ADGRD1: variants seen among roughly 807,000 people sequenced by gnomAD.
The protein encoded by ADGRD1 is G-protein coupled receptor 133.
A neutral mutation model predicts 113.4 loss-of-function variants in ADGRD1; 77 were observed. The observed-to-expected ratio is 0.68, with a 90% confidence interval of 0.57 to 0.82. ADGRD1 has a LOEUF of 0.82. Among genes scored for constraint, ADGRD1 ranks in the 40% least tolerant of loss-of-function variants. The pLI is 0.00. For missense variants in ADGRD1, 1,036 were observed against 1,139.1 expected, an observed-to-expected ratio of 0.91 and a Z score of 1.30; for synonymous variants, 474 against 475.0, an observed-to-expected ratio of 1.00 and a Z score of 0.03.
chr12:131,136,197 C>A (rs1593279093), intron 22 of ADGRD1, 34 bp downstream of exon 22: 1 of 1,609,518 alleles, frequency 6.2e-7, no homozygotes, highest in African/African-American at 1.3e-5. Context: ...GGAGGCAGGG[C>A]CGCCAGCCAT....
intron 8 of ADGRD1, 138 bp downstream of exon 8, chr12:130,992,530 T>C (rs2030880): frequency 0.52 from 386,695 of 737,436 alleles, 108,560 homozygotes; most frequent in East Asian, 0.78. Context: ...AGGCTTCTCA[T>C]GAACAACCAG....
chr12:130,997,572 C>T lies in ADGRD1; in HGVS notation c.967-2811C>T, dbSNP rs527838839. ...GCTCCTCACATCCCAGACGGGGCGG[C>T]GGGGCAAAGGCGCTCCCCACATCTC... On this transcript the variant is annotated intron_variant, in intron 8 of 24. Transcript: ENST00000261654. Among the ~76,000 whole-genome samples the T allele has an allele frequency of 1.3e-4, 20 of 151,634 alleles. No individual in the cohort carries two copies. The East Asian group carries it at 2.0e-3, about 15-fold the overall frequency.
chr12:130,954,782 C>A lies in ADGRD1; in HGVS notation c.103+122C>A. On this transcript the variant is annotated intron_variant, in intron 2 of 24. Coordinates refer to ENST00000261654, the MANE Select transcript of ADGRD1 (RefSeq NM_198827.5). The surrounding 1 kb of genome is among the most constrained non-coding windows in gnomAD (Gnocchi z 4.7). ...GAATGGCCCTTGTTGGGCTCCTGGT[C>A]CCCGACCTCACTGCCTCACCACACA... The A allele has an allele frequency of 1.1e-6, 1 of 906,630 alleles. No homozygotes were observed. The highest frequency in any genetic ancestry group is 1.8e-6 in the Non-Finnish European group (1 of 564,170). The allele number at this position is 906,630 out of a possible 1,614,324, so 56.2% of individuals were successfully genotyped here. A position where few individuals can be genotyped will look rare whatever the true frequency, so the allele number is the denominator to read the frequency against.
At chr12:131,133,766 AGGG>A (rs1950998186) in intron 21 of ADGRD1, among the ~76,000 whole-genome samples, 2 of 152,190 alleles carry the variant, frequency 1.3e-5, no homozygotes, top group Middle Eastern at 3.2e-3. Flanking sequence ...CTTGACTCCC[AGGG>A]CTGAGGAAGC....
At chr12:131,018,311 T>C (rs2136846938) in intron 13 of ADGRD1, among the ~76,000 whole-genome samples, 1 of 152,320 alleles carries the variant, frequency 6.6e-6, no homozygotes, top group East Asian at 1.9e-4. Flanking sequence ...GGTGTCTGCA[T>C]GTCTGACCCT....
At chr12:131,127,680 A>G (rs28972274) in intron 20 of ADGRD1, among the ~76,000 whole-genome samples, 45,391 of 115,364 alleles carry the variant, frequency 0.39, 11,226 homozygotes, top group Non-Finnish European at 0.52. Context: ...AGCTCAGGTG[A>G]GGTGTTGATT....
intron 20 of ADGRD1, among the ~76,000 whole-genome samples, chr12:131,125,772 C>A (rs1272369051): frequency 6.6e-6 from 1 of 152,160 alleles, no homozygotes; most frequent in African/African-American, 2.4e-5. Flanking sequence ...ATACATATAA[C>A]CTACAGAACA....
intron 13 of ADGRD1, among the ~76,000 whole-genome samples, chr12:131,036,952 C>T (rs1881513791): frequency 7.3e-6 from 1 of 136,504 alleles, no homozygotes; most frequent in Non-Finnish European, 1.6e-5. Context: ...CTGGGTCTCA[C>T]TCACAGCAAC....
chr12:131,033,596 G>A (rs1018562459), intron 13 of ADGRD1, among the ~76,000 whole-genome samples: 1 of 152,210 alleles, frequency 6.6e-6, no homozygotes, highest in African/African-American at 2.4e-5. Context: ...AGACGGGAGT[G>A]TGTGTCCCTC....
At chr12:131,066,827 A>C (rs994572529) in intron 13 of ADGRD1, among the ~76,000 whole-genome samples, 1 of 152,144 alleles carries the variant, frequency 6.6e-6, no homozygotes, top group Non-Finnish European at 1.5e-5. Flanking sequence ...TTCAAGTCTG[A>C]GGAGCGGCCA....
intron 8 of ADGRD1, among the ~76,000 whole-genome samples, chr12:130,999,435 G>A (rs12823753): frequency 0.088 from 13,345 of 152,208 alleles, 855 homozygotes; most frequent in Non-Finnish European, 0.13. Flanking sequence ...GCACTCTAAG[G>A]TCTCAAAAAG....
At chr12:131,064,406 C>T (rs1309156549) in intron 13 of ADGRD1, among the ~76,000 whole-genome samples, 1 of 152,148 alleles carries the variant, frequency 6.6e-6, no homozygotes, top group African/African-American at 2.4e-5. Context: ...TCGATATGAT[C>T]ATGTGATTTT....
intron 13 of ADGRD1, among the ~76,000 whole-genome samples, chr12:131,065,952 G>T (rs933004163): frequency 6.6e-6 from 1 of 152,108 alleles, no homozygotes; most frequent in Non-Finnish European, 1.5e-5. Context: ...AGGAACGCTG[G>T]GGACCTTTTG....
intron 15 of ADGRD1, among the ~76,000 whole-genome samples, chr12:131,093,155 G>C (rs1305616276): frequency 6.6e-6 from 1 of 152,080 alleles, no homozygotes; most frequent in Non-Finnish European, 1.5e-5. Context: ...AAGGACTTGG[G>C]TTAGAACTGT....
rs1880157156 is a variant in ADGRD1 at position 131,027,919 on chromosome 12, A to T, written c.1473+13579A>T. The T allele has an allele frequency of 1.3e-5, 2 of 152,228 alleles. No individual in the cohort carries two copies. Among genetic ancestry groups the T allele is most frequent in the Admixed American group, 1.3e-4 (2 of 15,286 alleles). The allele number at this position is 152,228 out of a possible 1,614,324, so 9.4% of individuals were successfully genotyped here. A position where few individuals can be genotyped will look rare whatever the true frequency, so the allele number is the denominator to read the frequency against. Reference sequence around the variant, plus strand: ...CCATGGAATGCCTTTTCCAGACGCCAGCAGAACAGAGCTGCCGGATGTTCT... The same window carrying T: ...CCATGGAATGCCTTTTCCAGACGCCTGCAGAACAGAGCTGCCGGATGTTCT... On this transcript the variant is annotated intron_variant, in intron 13 of 24. Transcript: ENST00000261654. The surrounding 1 kb of genome is among the most constrained non-coding windows in gnomAD (Gnocchi z 5.1).
Position 130,971,392 on chromosome 12 carries a change from A to G in ADGRD1, c.188-66A>G. The G allele has an allele frequency of 7.3e-7, 1 of 1,372,024 alleles. No individual in the cohort carries two copies. Among genetic ancestry groups the G allele is most frequent in the South Asian group, 1.3e-5 (1 of 78,222 alleles). The allele number at this position is 1,372,024 out of a possible 1,614,324, so 85.0% of individuals were successfully genotyped here. A position where few individuals can be genotyped will look rare whatever the true frequency, so the allele number is the denominator to read the frequency against. On this transcript the variant is annotated intron_variant, in intron 3 of 24. Coordinates refer to ENST00000261654, the MANE Select transcript of ADGRD1 (RefSeq NM_198827.5). The surrounding 1 kb of genome is among the most constrained non-coding windows in gnomAD (Gnocchi z 4.2). ...CACATAAGTTATTTGTAGGTCTGACACACATCTTCAGACTTTTAATCTCGG... is the reference window on the plus strand; with the variant it reads ...CACATAAGTTATTTGTAGGTCTGACGCACATCTTCAGACTTTTAATCTCGG...
Position 130,954,174 on chromosome 12 carries a change from T to C in ADGRD1, c.-292T>C. 1 of 360,640 alleles carries C rather than the reference T, an allele frequency of 2.8e-6. No homozygotes were observed. Among genetic ancestry groups the C allele is most frequent in the Non-Finnish European group, 4.9e-6 (1 of 203,708 alleles). 22.3% of individuals were successfully genotyped at this position (360,640 alleles called of 1,614,324 possible). ...GGTCACAGTGGTGACCTGGGATTGC[T>C]TTCCCAGGACTGCGAGTCGGGTTTG... is the stretch of plus-strand genomic sequence containing the variant. On this transcript the variant is annotated 5_prime_UTR_variant, in exon 1 of 25. Transcript: ENST00000261654. The surrounding 1 kb of genome is among the most constrained non-coding windows in gnomAD (Gnocchi z 4.7).
At chr12:131,021,067 C>A (rs1193560576) in intron 13 of ADGRD1, among the ~76,000 whole-genome samples, 1 of 141,580 alleles carries the variant, frequency 7.1e-6, no homozygotes, top group East Asian at 2.2e-4. Context: ...GCTTTTTATT[C>A]TGAAATGATT....
intron 14 of ADGRD1, among the ~76,000 whole-genome samples, chr12:131,077,315 A>C (rs1053449033): frequency 5.3e-5 from 8 of 152,168 alleles, no homozygotes; most frequent in Non-Finnish European, 1.2e-4. Flanking sequence ...CCACTGGAGC[A>C]GGCTGACCAT....
Sources: gnomAD v4.1 joint callset for allele counts (sites outside exome capture counted in the v4.1 genomes callset) on GRCh38, gnomAD v4.1.1 for gene constraint, Gnocchi (gnomAD v3.1) non-coding constraint, MANE v1.5 for transcripts, NCBI Gene and HGNC (gene_info 2026-07-23, HGNC 2026-07-21) for gene names.